Variants in NRCAM observed in about 807,000 individuals in gnomAD.
NRCAM encodes NgCAM-related cell adhesion molecule.
Under a neutral mutation model 156.5 loss-of-function variants are expected in NRCAM, and 83 were observed. The ratio of observed to expected loss-of-function variants is 0.53; its 90% CI spans 0.44 to 0.64. The LOEUF (loss-of-function observed/expected upper bound fraction) is 0.64. Among genes scored for constraint, NRCAM ranks in the 30% least tolerant of loss-of-function variants. NRCAM has a pLI of 0.00. For synonymous variants in NRCAM, 538 were observed against 563.9 expected (o/e 0.95, Z 0.65); for missense variants, 1,417 against 1,597.3 (o/e 0.89, Z 1.92).
chr7:108,413,882 T>C (rs900339727), intron 1 of NRCAM, among the ~76,000 whole-genome samples: 2 of 152,134 alleles, frequency 1.3e-5, no homozygotes, highest in African/African-American at 4.8e-5. Flanking sequence ...CACCATCTTC[T>C]CTCCCAACAC....
At chr7:108,169,869 T>C (rs1454957064) in intron 28 of NRCAM, among the ~76,000 whole-genome samples, 1 of 152,196 alleles carries the variant, frequency 6.6e-6, no homozygotes, top group Non-Finnish European at 1.5e-5. Context: ...ATATGGAAGA[T>C]GTTCAAGGCA....
At chr7:108,165,730 TTTC>T (rs1236930471) in intron 30 of NRCAM, among the ~76,000 whole-genome samples, 1 of 152,232 alleles carries the variant, frequency 6.6e-6, no homozygotes, top group African/African-American at 2.4e-5. Context: ...ATTATTGTTG[TTTC>T]TTTTTAAAAA....
At chr7:108,406,901 T>G (rs763705002) in intron 1 of NRCAM, among the ~76,000 whole-genome samples, 1 of 152,156 alleles carries the variant, frequency 6.6e-6, no homozygotes, top group Non-Finnish European at 1.5e-5. Context: ...TGCTAATGAT[T>G]TTCATATTCT....
chr7:108,351,188 G>A (rs2099409968), intron 2 of NRCAM, among the ~76,000 whole-genome samples: 1 of 152,070 alleles, frequency 6.6e-6, no homozygotes, highest in African/African-American at 2.4e-5. Context: ...GATGAGTTTG[G>A]CCCCCCTCCT....
At position 108,237,752 on chromosome 7, in the gene NRCAM, A is replaced by G. The variant is rs375821701; in HGVS notation, c.124T>C (p.Leu42=). 5.1e-5 allele frequency: 81 copies of G among 1,593,714 alleles called. No individual in the cohort carries two copies. The highest frequency in any genetic ancestry group is 6.2e-5 in the Non-Finnish European group (73 of 1,171,070). Residue 42 remains leucine, a splice_region_variant and synonymous_variant, in exon 5 of 33, where the codon TTG becomes CTG. Coordinates refer to ENST00000379028, the MANE Select transcript of NRCAM (RefSeq NM_001037132.4). ...VPLDPKLLED[L]VQPPTITQQS... The stretch of plus-strand genomic sequence containing the variant: ...TAGTAATTTATAGAAGGACACTTAC[A>G]GTCTTCAAGAAGTTTTGCTTTTTCC...
intron 2 of NRCAM, among the ~76,000 whole-genome samples, chr7:108,322,779 TA>T (rs1198062401): frequency 6.6e-6 from 1 of 152,204 alleles, no homozygotes; most frequent in Non-Finnish European, 1.5e-5. Context: ...TCTGGAATAT[TA>T]TCAGTTGCAG....
At chr7:108,257,010 A>C (rs61702639) in intron 3 of NRCAM, among the ~76,000 whole-genome samples, 5,071 of 148,346 alleles carry the variant, frequency 0.034, 199 homozygotes, top group African/African-American at 0.12. Flanking sequence ...CTGTCGAAAA[A>C]AAAAAAAAAG....
chr7:108,356,423 C>T (rs2099497945), intron 2 of NRCAM, among the ~76,000 whole-genome samples: 1 of 152,058 alleles, frequency 6.6e-6, no homozygotes, highest in African/African-American at 2.4e-5. Flanking sequence ...GTACTATCTG[C>T]AGTTTCAGGC....
intron 23 of NRCAM, 123 bp from the exon 24 acceptor site, chr7:108,182,060 G>T: frequency 1.6e-6 from 1 of 633,862 alleles, no homozygotes; most frequent in Non-Finnish European, 2.7e-6. Flanking sequence ...GGATTATTAA[G>T]GCTTGAACAC....
At chr7:108,232,195 T>C (rs17389158) in intron 7 of NRCAM, 131 bp downstream of exon 7, 63,677 of 677,054 alleles carry the variant, frequency 0.094, 3,767 homozygotes, top group Non-Finnish European at 0.12. Flanking sequence ...ATAACTTTCA[T>C]GCAAAACAAA....
At chr7:108,408,153 CT>C (rs1014682003) in intron 1 of NRCAM, among the ~76,000 whole-genome samples, 1 of 152,088 alleles carries the variant, frequency 6.6e-6, no homozygotes, top group Non-Finnish European at 1.5e-5. Context: ...TAGAGACTTC[CT>C]TTAATGATTC....
intron 2 of NRCAM, among the ~76,000 whole-genome samples, chr7:108,346,557 C>T (rs531940880): frequency 3.9e-5 from 6 of 152,090 alleles, no homozygotes; most frequent in Non-Finnish European, 8.8e-5. Flanking sequence ...TATTTTGAGA[C>T]TTAAACATTC....
intron 3 of NRCAM, among the ~76,000 whole-genome samples, chr7:108,281,940 C>A (rs1027259048): frequency 6.6e-6 from 1 of 152,144 alleles, no homozygotes; most frequent in Non-Finnish European, 1.5e-5. Flanking sequence ...AGCAGAACTG[C>A]CCCACAGAGC....
At chr7:108,368,224 A>ACCCCCCCACCCCCCCCCC (rs2099604450) in intron 2 of NRCAM, among the ~76,000 whole-genome samples, 1 of 91,058 alleles carries the variant, frequency 1.1e-5, no homozygotes, top group Non-Finnish European at 2.2e-5. Context: ...ACACTTTCAT[A>ACCCCCCCACCCCCCCCCC]CCCCCCCCCA....
chr7:108,368,814 T>C (rs2099610485), intron 2 of NRCAM, among the ~76,000 whole-genome samples: 1 of 152,136 alleles, frequency 6.6e-6, no homozygotes, highest in Non-Finnish European at 1.5e-5. Context: ...TTAATGTTGA[T>C]AAAACTGGTG....
intron 3 of NRCAM, among the ~76,000 whole-genome samples, chr7:108,297,777 ATG>A (rs1185579807): frequency 3.3e-5 from 5 of 152,174 alleles, no homozygotes; most frequent in African/African-American, 9.7e-5. Context: ...CAACATGTCA[ATG>A]TGTGTGTGTG....
At chr7:108,331,427 A>G (rs2099125604) in intron 2 of NRCAM, among the ~76,000 whole-genome samples, 1 of 152,076 alleles carries the variant, frequency 6.6e-6, no homozygotes, top group African/African-American at 2.4e-5. Flanking sequence ...AATAGATATA[A>G]TCAGAAATTT....
At chr7:108,257,013 AAAAAAAG>A (rs1257467458) in intron 3 of NRCAM, among the ~76,000 whole-genome samples, 3 of 150,212 alleles carry the variant, frequency 2.0e-5, no homozygotes, top group African/African-American at 7.3e-5. Flanking sequence ...TCGAAAAAAA[AAAAAAAG>A]AAAAAGAAAA....
intron 1 of NRCAM, among the ~76,000 whole-genome samples, chr7:108,442,328 T>TA (rs1237164593): frequency 6.6e-6 from 1 of 152,174 alleles, no homozygotes; most frequent in Non-Finnish European, 1.5e-5. Flanking sequence ...CACAGGTGTA[T>TA]AACACATGCA....
Sources: gnomAD v4.1 joint callset for allele counts (sites outside exome capture counted in the v4.1 genomes callset) on GRCh38, gnomAD v4.1.1 for gene constraint, MANE v1.5 for transcripts, NCBI Gene and HGNC (gene_info 2026-07-23, HGNC 2026-07-21) for gene names.